The following CTDSP1 variants were observed in gnomAD, a reference collection of about 807,000 sequenced individuals.
CTDSP1 encodes carboxy-terminal domain RNA polymerase II polypeptide A small phosphatase 1.
In CTDSP1, 15 loss-of-function variants were observed where a neutral mutation model predicts 32.5. That is an observed-to-expected ratio of 0.46 (90% confidence interval 0.31 to 0.71). The LOEUF (loss-of-function observed/expected upper bound fraction) is 0.71. CTDSP1 is among the 30% of genes least tolerant of loss of function. CTDSP1 has a pLI of 0.05. For missense variants in CTDSP1, 294 were observed against 351.1 expected, an observed-to-expected ratio of 0.84 and a Z score of 1.30; for synonymous variants, 185 against 145.4, an observed-to-expected ratio of 1.27 and a Z score of -1.96.
intron 1 of CTDSP1, 39 bp downstream of exon 1, chr2:218,400,196 C>T (rs1469696589): frequency 1.6e-5 from 24 of 1,518,442 alleles, no homozygotes; most frequent in African/African-American, 4.2e-5. Flanking sequence ...GCCGGGGCGC[C>T]GTGGGAGGAG....
upstream of CTDSP1, chr2:218,398,338 T>C (rs1048222712): frequency 7.3e-6 from 10 of 1,362,066 alleles, no homozygotes; most frequent in Admixed American, 1.6e-4. Context: ...AAGGGGTAAA[T>C]GAGATTAGGG....
rs1029573298 is a variant in CTDSP1, at chr2:218,404,496, G to A, written c.*71G>A. On this transcript the variant is annotated 3_prime_UTR_variant, in exon 7 of 7. Coordinates refer to ENST00000273062, the MANE Select transcript of CTDSP1 (RefSeq NM_021198.3). Reference sequence around the variant, plus strand: ...ACCTCCTCCCAGGAAGACTGCCCAGGCCTTTGTTAGGAAAACCCATGGGCC... The same window carrying A: ...ACCTCCTCCCAGGAAGACTGCCCAGACCTTTGTTAGGAAAACCCATGGGCC... The A allele has an allele frequency of 6.3e-7, 1 of 1,578,706 alleles. No individual in the cohort carries two copies. Among genetic ancestry groups the A allele is most frequent in the African/African-American group, 1.3e-5 (1 of 74,112 alleles).
chr2:218,399,955 C>T lies in CTDSP1; in HGVS notation c.-136C>T, dbSNP rs922403988. On this transcript the variant is annotated 5_prime_UTR_variant, in exon 1 of 7. Coordinates refer to ENST00000273062, the MANE Select transcript of CTDSP1 (RefSeq NM_021198.3). ...CCCCCTCCCCCCTAGAACCTGGCTC[C>T]CCTCCCCTCCGGAGCTCGCGGGGAT... is the stretch of plus-strand genomic sequence containing the variant. 35 of 1,153,760 alleles carry T rather than the reference C, an allele frequency of 3.0e-5. No homozygotes were observed. The highest frequency in any genetic ancestry group is 3.7e-5 in the Non-Finnish European group (34 of 925,328). The allele number at this position is 1,153,760 out of a possible 1,614,324, so 71.5% of individuals were successfully genotyped here.
upstream of CTDSP1, chr2:218,398,289 T>A: frequency 5.7e-6 from 5 of 880,960 alleles, no homozygotes; most frequent in Non-Finnish European, 8.8e-6. Context: ...GAAACTCAGT[T>A]TCCTCATCTG....
upstream of CTDSP1, among the ~76,000 whole-genome samples, chr2:218,397,220 CA>C (rs1392694007): frequency 6.6e-6 from 1 of 152,184 alleles, no homozygotes. Context: ...AGGACCTGGG[CA>C]AAGGGCTAGT....
chr2:218,403,597 T>C (rs1177301191), intron 6 of CTDSP1, 180 bp downstream of exon 6: 1 of 577,458 alleles, frequency 1.7e-6, no homozygotes, highest in Non-Finnish European at 3.0e-6. Flanking sequence ...TGTAGCCATA[T>C]GGTCTTTTCC....
intron 2 of CTDSP1, 146 bp downstream of exon 2, chr2:218,401,858 C>T (rs931553998): frequency 1.2e-6 from 1 of 821,232 alleles, no homozygotes; most frequent in Non-Finnish European, 1.9e-6. Context: ...CCCTGCCAGG[C>T]CCTGCCCACT....
Position 218,405,852 on chromosome 2 carries a change from G to T in CTDSP1, c.*1427G>T, listed in dbSNP as rs138589190. 219 of 153,306 alleles carry T rather than the reference G, an allele frequency of 1.4e-3. 3 individuals carry two copies. Among genetic ancestry groups the T allele is most frequent in the Non-Finnish European group, 2.8e-3 (191 of 68,340 alleles). 9.5% of individuals were successfully genotyped at this position (153,306 alleles called of 1,614,324 possible). A position where few individuals can be genotyped will look rare whatever the true frequency, so the allele number is the denominator to read the frequency against. ...GGTGGGCGGGGGGTGAATATGGTTG[G>T]CCTGCATCAGGTGGCCTTCCCATTT... On this transcript the variant is annotated 3_prime_UTR_variant, in exon 7 of 7. Coordinates refer to ENST00000273062, the MANE Select transcript of CTDSP1 (RefSeq NM_021198.3).
intron 4 of CTDSP1, chr2:218,402,695 GTT>G (rs1354053050): frequency 1.3e-6 from 1 of 763,756 alleles, no homozygotes; most frequent in Admixed American, 1.7e-5. Flanking sequence ...TGTCCAGCCT[GTT>G]CTCCATTACT....
chr2:218,404,723 C>T lies in CTDSP1; in HGVS notation c.*298C>T. 1 of 326,056 alleles carries T rather than the reference C, an allele frequency of 3.1e-6. No individual in the cohort carries two copies. Among genetic ancestry groups the T allele is most frequent in the Non-Finnish European group, 5.7e-6 (1 of 176,436 alleles). 20.2% of individuals were successfully genotyped at this position (326,056 alleles called of 1,614,324 possible). A position where few individuals can be genotyped will look rare whatever the true frequency, so the allele number is the denominator to read the frequency against. ...TGTCTCTGTCCATGCTGCCATGTTT[C>T]TCTGCTGCCAAATTGGGCCCCTTGG... On this transcript the variant is annotated 3_prime_UTR_variant, in exon 7 of 7. Transcript: ENST00000273062.
rs1470272527 is a variant in CTDSP1 at position 218,404,996 on chromosome 2, G to C, written c.*571G>C. The stretch of plus-strand genomic sequence containing the variant: ...GGGGAGGTCTGTTACCACTGGGGAA[G>C]GCAGCAGGAGTCTGTCCTTCAGGCC... On this transcript the variant is annotated 3_prime_UTR_variant, in exon 7 of 7. Coordinates refer to ENST00000273062, the MANE Select transcript of CTDSP1 (RefSeq NM_021198.3). The C allele has an allele frequency of 6.5e-6, 1 of 153,404 alleles. No homozygotes were observed. Among genetic ancestry groups the C allele is most frequent in the Non-Finnish European group, 1.5e-5 (1 of 68,644 alleles). 9.5% of individuals were successfully genotyped at this position (153,404 alleles called of 1,614,324 possible).
chr2:218,398,065 C>T (rs906852194), upstream of CTDSP1, among the ~76,000 whole-genome samples: 1 of 152,144 alleles, frequency 6.6e-6, no homozygotes, highest in Non-Finnish European at 1.5e-5. Flanking sequence ...GAGAGGAAAG[C>T]GCGCCACCCA....
intron 1 of CTDSP1, chr2:218,400,948 G>T (rs1278207791): frequency 8.8e-6 from 4 of 452,878 alleles, no homozygotes; most frequent in African/African-American, 6.0e-5. Context: ...AGGGCAAGGT[G>T]GAAAGGCTAG....
At chr2:218,401,521 G>C in intron 1 of CTDSP1, 43 bp from the exon 2 acceptor site, 1 of 1,608,746 alleles carries the variant, frequency 6.2e-7, no homozygotes, top group East Asian at 2.2e-5. Flanking sequence ...GATTCTGCAG[G>C]CCAGTGTGCA....
In CTDSP1 at chr2:218,400,160, AC is replaced by A. The variant is rs1445408305; in HGVS notation, c.67+5del. ...TCGGGGCCCGCTGCGGGGCAAAGGTACCGGGGCTGCGGGGAGGGGGCCGAAG... is the reference window on the plus strand; with the variant it reads ...TCGGGGCCCGCTGCGGGGCAAAGGTACGGGGCTGCGGGGAGGGGGCCGAAG... On this transcript the variant is annotated splice_donor_region_variant and intron_variant, in intron 1 of 6. Coordinates refer to ENST00000273062, the MANE Select transcript of CTDSP1 (RefSeq NM_021198.3). The A allele has an allele frequency of 2.6e-6, 4 of 1,543,430 alleles. No homozygotes were observed. Among genetic ancestry groups the A allele is most frequent in the African/African-American group, 1.4e-5 (1 of 72,608 alleles).
upstream of CTDSP1, chr2:218,398,695 G>A: frequency 3.0e-6 from 1 of 328,702 alleles, no homozygotes; most frequent in Non-Finnish European, 5.5e-6. Flanking sequence ...GCCCCGCCAC[G>A]GAGGCCCGCG....
chr2:218,403,272 C>T lies in CTDSP1; in HGVS notation c.512C>T (p.Ala171Val). ...GCTGACCTGCTGGACAAATGGGGGGCCTTCCGGGCCCGGCTGTTTCGAGAG... is the reference window on the plus strand; with the variant it reads ...GCTGACCTGCTGGACAAATGGGGGGTCTTCCGGGCCCGGCTGTTTCGAGAG... ...PVADLLDKWG[A>V]FRARLFRESC... Residue 171 changes from alanine (A) to valine (V), a missense_variant, in exon 6 of 7, where the codon GCC becomes GTC. This residue lies in a region of CTDSP1 where 146 missense variants were observed against 237.7 expected (regional missense o/e 0.61). Coordinates refer to ENST00000273062, the MANE Select transcript of CTDSP1 (RefSeq NM_021198.3). The T allele has an allele frequency of 1.2e-6, 2 of 1,613,646 alleles. No homozygotes were observed. Among genetic ancestry groups the T allele is most frequent in the Non-Finnish European group, 1.7e-6 (2 of 1,179,712 alleles).
chr2:218,401,360 TTGTC>T (rs1697127868), intron 1 of CTDSP1, 200 bp from the exon 2 acceptor site: 3 of 604,896 alleles, frequency 5.0e-6, no homozygotes, highest in Admixed American at 3.0e-5. Context: ...CTAGACCTAT[TTGTC>T]TGGGAGCTGC....
chr2:218,398,677 C>T (rs943196691), upstream of CTDSP1: 2 of 331,306 alleles, frequency 6.0e-6, no homozygotes, highest in South Asian at 3.0e-4. Flanking sequence ...ACAGGACGCG[C>T]CCGCCCCGCC....
Sources: gnomAD v4.1 joint callset for allele counts (sites outside exome capture counted in the v4.1 genomes callset) on GRCh38, gnomAD v4.1.1 for gene constraint, gnomAD v4.1.1 regional missense constraint, MANE v1.5 for transcripts, NCBI Gene and HGNC (gene_info 2026-07-23, HGNC 2026-07-21) for gene names.